C9orf43: variants seen among roughly 807,000 people sequenced by gnomAD.
C9orf43 encodes chromosome 9 open reading frame 43.
Under a neutral mutation model 59.1 loss-of-function variants are expected in C9orf43, and 45 were observed. That is an observed-to-expected ratio of 0.76 (90% CI 0.60 to 0.98). The LOEUF (loss-of-function observed/expected upper bound fraction) is 0.98. C9orf43 is among the 50% of genes least tolerant of loss of function. The pLI is 0.00. For missense variants in C9orf43, 533 were observed against 554.9 expected, an observed-to-expected ratio of 0.96 and a Z score of 0.40; for synonymous variants, 203 against 196.8, an observed-to-expected ratio of 1.03 and a Z score of -0.26.
At position 113,429,298 on chromosome 9, in the gene C9orf43, C is replaced by T. The variant is rs748836938; in HGVS notation, c.1298C>T (p.Thr433Ile). 1.1e-5 allele frequency: 18 copies of T among 1,614,076 alleles called. No homozygotes were observed. The highest frequency in any genetic ancestry group is 1.1e-5 in the Non-Finnish European group (13 of 1,180,042). Reference protein sequence around the residue: ...SFNFSEIMASTGWNSELKLLR... With the variant: ...SFNFSEIMASIGWNSELKLLR... ...AACTTTTCAGAAATTATGGCTAGCA[C>T]AGGCTGGAACTCTGAGCTCAAACTA... The change falls in exon 14 of 14, where the codon ACA becomes ATA. Residue 433 changes from threonine to isoleucine, a missense_variant. Transcript: ENST00000374165.
rs201404466 is a variant in C9orf43 at position 113,419,122 on chromosome 9, T to C, written c.302T>C (p.Leu101Ser). The C allele has an allele frequency of 2.5e-6, 4 of 1,610,340 alleles. No individual in the cohort carries two copies. The highest frequency in any genetic ancestry group is 2.5e-6 in the Non-Finnish European group (3 of 1,178,330). Residue 101 changes from leucine to serine, a missense_variant, in exon 4 of 14, where the codon TTA becomes TCA. Coordinates refer to ENST00000374165, the MANE Select transcript of C9orf43 (RefSeq NM_001278629.2). ...SKFHGRPPKG[L>S]PDKSLINCTN... Reference sequence around the variant, plus strand: ...TCATTTTTTAGGCCTCCGAAGGGTTTACCTGACAAAAGTTTGATCAACTGT... The same window carrying C: ...TCATTTTTTAGGCCTCCGAAGGGTTCACCTGACAAAAGTTTGATCAACTGT...
In C9orf43 at chr9:113,413,789, T is replaced by A; in HGVS notation, c.182T>A (p.Ile61Asn). Residue 61 changes from isoleucine to asparagine, a missense_variant, in exon 3 of 14, where the codon ATC becomes AAC. By Grantham distance (149) the Ile-to-Asn change is moderately radical (BLOSUM62 -3). Coordinates refer to ENST00000374165, the MANE Select transcript of C9orf43 (RefSeq NM_001278629.2). ...CTCCCAGTGCTCACCGTGGTAGACA[T>A]CTTAGATTCCGGCTTTGCAGCTCAT... ...DKLPVLTVVD[I>N]LDSGFAAHHL... 1 of 1,614,216 alleles carries A rather than the reference T, an allele frequency of 6.2e-7. No homozygotes were observed. The highest frequency in any genetic ancestry group is 8.5e-7 in the Non-Finnish European group (1 of 1,180,030).
chr9:113,418,791 C>A (rs1466857672), intron 3 of C9orf43, among the ~76,000 whole-genome samples: 2 of 152,132 alleles, frequency 1.3e-5, no homozygotes, highest in African/African-American at 2.4e-5. Context: ...GTATTTTGAA[C>A]ATCTACATCA....
intron 3 of C9orf43, among the ~76,000 whole-genome samples, chr9:113,416,978 C>T (rs1169592358): frequency 1.3e-5 from 2 of 152,176 alleles, no homozygotes; most frequent in African/African-American, 4.8e-5. Context: ...CAGAAGTCTT[C>T]CTCAACCAGT....
chr9:113,417,201 T>C (rs1217404406), intron 3 of C9orf43, among the ~76,000 whole-genome samples: 1 of 152,218 alleles, frequency 6.6e-6, no homozygotes, highest in Non-Finnish European at 1.5e-5. Context: ...ATAATAAGTA[T>C]TTGTTGATTG....
At position 113,425,662 on chromosome 9, in the gene C9orf43, A is replaced by G. The variant is rs145630336; in HGVS notation, c.962A>G (p.Lys321Arg). The G allele has an allele frequency of 1.3e-4, 211 of 1,614,174 alleles. No homozygotes were observed. The African/African-American group carries it at 2.6e-3, about 20-fold the overall frequency. Residue 321 changes from lysine to arginine, a missense_variant, in exon 11 of 14, where the codon AAG becomes AGG. Transcript: ENST00000374165. ...IKKQEAKKKA[K>R]SDPGIQSTSH... ...TTTCAGGAGGCTAAAAAGAAAGCCA[A>G]GAGTGATCCAGGGATCCAGAGCACT... is the stretch of plus-strand genomic sequence containing the variant.
chr9:113,413,171 T>C (rs910347510), intron 1 of C9orf43, among the ~76,000 whole-genome samples: 16 of 152,250 alleles, frequency 1.1e-4, no homozygotes, highest in Admixed American at 3.3e-4. Flanking sequence ...CATTTTACAG[T>C]GGAGGCAACA....
chr9:113,417,251 C>G (rs1828394857), intron 3 of C9orf43, among the ~76,000 whole-genome samples: 1 of 152,166 alleles, frequency 6.6e-6, no homozygotes, highest in African/African-American at 2.4e-5. Flanking sequence ...GTTGAGTTTC[C>G]TCATTTCCCA....
Position 113,416,595 on chromosome 9 carries a change from T to C in C9orf43, c.288-2513T>C, listed in dbSNP as rs547025498. ...AGTAGGCTGCAGCTGCACTGCTCTT[T>C]CAATTCCTCATCTATGCCACACCTC... On this transcript the variant is annotated intron_variant, in intron 3 of 13. Transcript: ENST00000374165. Among the ~76,000 whole-genome samples the C allele has an allele frequency of 2.6e-5, 4 of 152,348 alleles. No individual in the cohort carries two copies. The South Asian group carries it at 8.3e-4, about 32-fold the overall frequency.
intron 11 of C9orf43, among the ~76,000 whole-genome samples, chr9:113,427,477 A>C (rs148647512): frequency 0.016 from 2,378 of 152,336 alleles, 37 homozygotes; most frequent in Non-Finnish European, 0.026. Context: ...GCGCCCAGCC[A>C]AGAAGCTTTT....
chr9:113,425,405 A>G lies in C9orf43; in HGVS notation c.927A>G (p.Thr309=). The G allele has an allele frequency of 3.1e-6, 5 of 1,613,872 alleles. No homozygotes were observed. Among genetic ancestry groups the G allele is most frequent in the Non-Finnish European group, 4.2e-6 (5 of 1,179,900 alleles). The change falls in exon 10 of 14, where the codon ACA becomes ACG. Residue 309 remains threonine (T), a synonymous_variant. Transcript: ENST00000374165. ...QQQQQQKKVK[T]PIKKQEAKKK... ...AGCAGCAACAGAAGAAGGTGAAAAC[A>G]CCTATTAAGAAACAGGTAGAGTGGC...
intron 4 of C9orf43, among the ~76,000 whole-genome samples, chr9:113,420,007 T>C (rs1828507518): frequency 6.6e-6 from 1 of 152,208 alleles, no homozygotes; most frequent in South Asian, 2.1e-4. Context: ...AGATGGTAGA[T>C]GGTTTTGAAT....
At position 113,429,236 on chromosome 9, in the gene C9orf43, A is replaced by T. The variant is rs1213779574; in HGVS notation, c.1236A>T (p.Pro412=). The stretch of plus-strand genomic sequence containing the variant: ...TTAGTGCTCCAGTGGACGCTGTGCC[A>T]GAAGCCCAGGCTGCCAGGCAAAAGA... ...KDISAPVDAV[P]EAQAARQKKI... The change falls in exon 14 of 14, where the codon CCA becomes CCT. Residue 412 remains proline, a synonymous_variant. Coordinates refer to ENST00000374165, the MANE Select transcript of C9orf43 (RefSeq NM_001278629.2). 7.4e-6 allele frequency: 12 copies of T among 1,614,270 alleles called. No homozygotes were observed. The South Asian group carries it at 1.1e-4, about 15-fold the overall frequency.
intron 3 of C9orf43, among the ~76,000 whole-genome samples, chr9:113,418,512 T>G (rs992423132): frequency 6.6e-6 from 1 of 152,232 alleles, no homozygotes; most frequent in African/African-American, 2.4e-5. Context: ...AAAGTTTAAT[T>G]TATAAGTTAG....
intron 1 of C9orf43, among the ~76,000 whole-genome samples, chr9:113,412,075 A>G (rs192235481): frequency 2.2e-4 from 34 of 152,338 alleles, no homozygotes; most frequent in African/African-American, 8.2e-4. Flanking sequence ...TTATAGAGAA[A>G]TATTTTAAAA....
intron 3 of C9orf43, among the ~76,000 whole-genome samples, chr9:113,414,287 T>A (rs1041301789): frequency 1.3e-5 from 2 of 152,074 alleles, no homozygotes; most frequent in Non-Finnish European, 2.9e-5. Context: ...TTATTTTTTT[T>A]GAGACAGGGT....
intron 3 of C9orf43, among the ~76,000 whole-genome samples, chr9:113,418,072 A>G (rs1041809110): frequency 1.3e-5 from 2 of 152,240 alleles, no homozygotes; most frequent in East Asian, 1.9e-4. Flanking sequence ...AAATATATAC[A>G]TAATAAAAAT....
chr9:113,424,087 C>T (rs529514300), intron 7 of C9orf43, 79 bp from the exon 8 acceptor site: 2 of 1,499,166 alleles, frequency 1.3e-6, no homozygotes, highest in Non-Finnish European at 1.8e-6. Context: ...TCTTGGAGCC[C>T]TTTACATCTC....
rs750319169 is a variant in C9orf43, at chr9:113,421,085, T to G, written c.346-18T>G. The G allele has an allele frequency of 6.3e-7, 1 of 1,598,316 alleles. No individual in the cohort carries two copies. Among genetic ancestry groups the G allele is most frequent in the Non-Finnish European group, 8.6e-7 (1 of 1,165,868 alleles). Reference sequence around the variant, plus strand: ...TTAGCACCTCAAGCCATACATAGGCTTTATATCTTTCTCTTAGTTTCCAGT... The same window carrying G: ...TTAGCACCTCAAGCCATACATAGGCGTTATATCTTTCTCTTAGTTTCCAGT... On this transcript the variant is annotated intron_variant, in intron 4 of 13. Transcript: ENST00000374165.
Sources: gnomAD v4.1 joint callset for allele counts (sites outside exome capture counted in the v4.1 genomes callset) on GRCh38, gnomAD v4.1.1 for gene constraint, MANE v1.5 for transcripts, NCBI Gene and HGNC (gene_info 2026-07-23, HGNC 2026-07-21) for gene names.